TTC7B: variants seen among roughly 807,000 people sequenced by gnomAD.
The protein encoded by TTC7B is tetratricopeptide repeat domain 7B.
Under a neutral mutation model 106.8 loss-of-function variants are expected in TTC7B, and 28 were observed. That is an observed-to-expected ratio of 0.26 (90% confidence interval 0.19 to 0.36). The LOEUF (loss-of-function observed/expected upper bound fraction) is 0.36, where lower values mean the gene tolerates loss of function less well. TTC7B is among the 10% of genes least tolerant of loss of function. TTC7B has a pLI of 1.00. For synonymous variants in TTC7B, 405 were observed against 430.6 expected (o/e 0.94, Z 0.74); for missense variants, 862 against 1,076.4 (o/e 0.80, Z 2.79).
chr14:90,656,650 G>A (rs72691758), intron 11 of TTC7B, among the ~76,000 whole-genome samples: 24,709 of 151,920 alleles, frequency 0.16, 2,028 homozygotes, highest in South Asian at 0.17. Flanking sequence ...AAAATTAGCC[G>A]GGTGCAGTGG....
intron 15 of TTC7B, among the ~76,000 whole-genome samples, chr14:90,633,029 T>G (rs1464871997): frequency 6.6e-6 from 1 of 152,224 alleles, no homozygotes; most frequent in Admixed American, 6.5e-5. Context: ...AAAATCTGTG[T>G]TGACATGTAT....
chr14:90,552,599 G>A (rs533801311), intron 19 of TTC7B, among the ~76,000 whole-genome samples: 48 of 152,298 alleles, frequency 3.2e-4, no homozygotes, highest in African/African-American at 9.1e-4. Context: ...CACAAAGGCC[G>A]CTGACGTGCT....
intron 18 of TTC7B, among the ~76,000 whole-genome samples, chr14:90,582,152 G>A (rs1265077069): frequency 2.6e-5 from 4 of 152,220 alleles, no homozygotes; most frequent in African/African-American, 7.2e-5. Context: ...TCTTCCAAAG[G>A]GATCTTACCC....
intron 9 of TTC7B, among the ~76,000 whole-genome samples, chr14:90,669,059 T>C (rs144091912): frequency 3.1e-4 from 47 of 152,222 alleles, no homozygotes; most frequent in Non-Finnish European, 8.8e-5. Context: ...AAAAAATTCA[T>C]AAATTTATGG....
chr14:90,566,135 T>C (rs1449652791), intron 19 of TTC7B, among the ~76,000 whole-genome samples: 2 of 152,100 alleles, frequency 1.3e-5, no homozygotes, highest in Non-Finnish European at 2.9e-5. Context: ...GCAGATCACC[T>C]GAGCTCAGGA....
intron 3 of TTC7B, among the ~76,000 whole-genome samples, chr14:90,778,285 T>C (rs1203513092): frequency 2.6e-5 from 4 of 152,168 alleles, no homozygotes; most frequent in Admixed American, 2.6e-4. Flanking sequence ...CACAACCTCA[T>C]GGGCGGGGTG....
chr14:90,554,121 T>C (rs564641217), intron 19 of TTC7B, among the ~76,000 whole-genome samples: 1 of 152,330 alleles, frequency 6.6e-6, no homozygotes, highest in East Asian at 1.9e-4. Flanking sequence ...TGCTTCAGCA[T>C]TGGTGCTGAC....
At chr14:90,801,774 C>T (rs1247169284) in intron 1 of TTC7B, among the ~76,000 whole-genome samples, 5 of 152,064 alleles carry the variant, frequency 3.3e-5, no homozygotes, top group African/African-American at 4.8e-5. Flanking sequence ...GCTGCTGGAG[C>T]GCCGGGCACG....
rs1048016015 is a variant in TTC7B, at chr14:90,663,661, C to G, written c.1153-5274G>C. ...GTTTCCTCTACAGGCAGCATCTCTCCCAGTTCCCTCCTAGTTTGGACCTCT... is the reference window on the plus strand; with the variant it reads ...GTTTCCTCTACAGGCAGCATCTCTCGCAGTTCCCTCCTAGTTTGGACCTCT... On this transcript the variant is annotated intron_variant, in intron 9 of 19. Coordinates refer to ENST00000328459, the MANE Select transcript of TTC7B (RefSeq NM_001010854.2). This position sits in a 1 kb window ranked among gnomAD's most constrained non-coding sequence, Gnocchi z 4.5. Among the ~76,000 whole-genome samples the G allele has an allele frequency of 8.5e-5, 13 of 152,186 alleles. No individual in the cohort carries two copies. The highest frequency in any genetic ancestry group is 1.9e-4 in the Non-Finnish European group (13 of 68,030).
chr14:90,590,747 T>C (rs1002424449), intron 18 of TTC7B, among the ~76,000 whole-genome samples: 2 of 152,376 alleles, frequency 1.3e-5, no homozygotes, highest in African/African-American at 4.8e-5. Context: ...TGTGAATATA[T>C]GATACGATTC....
At chr14:90,689,151 G>A (rs1595283930) in intron 7 of TTC7B, among the ~76,000 whole-genome samples, 1 of 152,272 alleles carries the variant, frequency 6.6e-6, no homozygotes, top group African/African-American at 2.4e-5. Context: ...AAGGATCAAG[G>A]AATTGCTGAA....
intron 16 of TTC7B, among the ~76,000 whole-genome samples, chr14:90,611,166 T>C (rs528108281): frequency 6.6e-6 from 1 of 152,250 alleles, no homozygotes; most frequent in Admixed American, 6.5e-5. Flanking sequence ...CGACTGGCAT[T>C]AGCAACCTTA....
chr14:90,765,462 G>A (rs1890644466), intron 3 of TTC7B, among the ~76,000 whole-genome samples: 1 of 152,164 alleles, frequency 6.6e-6, no homozygotes, highest in Admixed American at 6.5e-5. Flanking sequence ...GAATTGTATG[G>A]TATATGAGTT....
intron 19 of TTC7B, among the ~76,000 whole-genome samples, chr14:90,551,408 C>T (rs555511844): frequency 1.7e-3 from 259 of 152,226 alleles, no homozygotes; most frequent in African/African-American, 6.0e-3. Context: ...GAGTGGGTTC[C>T]CTGACCTGAG....
chr14:90,790,751 C>T (rs1345242497), intron 1 of TTC7B, among the ~76,000 whole-genome samples: 1 of 152,100 alleles, frequency 6.6e-6, no homozygotes, highest in African/African-American at 2.4e-5. Flanking sequence ...CTCAGAGCCA[C>T]AATTCCATTT....
Position 90,578,425 on chromosome 14 carries a change from C to A in TTC7B, c.2108-117G>T. 1 of 1,016,958 alleles carries A rather than the reference C, an allele frequency of 9.8e-7. No homozygotes were observed. 63.0% of individuals were successfully genotyped at this position (1,016,958 alleles called of 1,614,324 possible). A position where few individuals can be genotyped will look rare whatever the true frequency, so the allele number is the denominator to read the frequency against. On this transcript the variant is annotated intron_variant, in intron 18 of 19. Transcript: ENST00000328459. This position sits in a 1 kb window ranked among gnomAD's most constrained non-coding sequence, Gnocchi z 4.7. ...GGAGTCTGGCGGGGCGCAGAGCCAG[C>A]TGATCCCTGCTCCAAGTGGAAACAG...
rs540110187 is a variant in TTC7B, at chr14:90,545,760, T to C, written c.2311-4171A>G. On this transcript the variant is annotated intron_variant, in intron 19 of 19. Transcript: ENST00000328459. ...GGCTGCAGGGTATGGGACAGGGGCA[T>C]GTCTAACTGCCCTCAAAAGTCCTGC... 3.9e-5 allele frequency among the ~76,000 whole-genome samples: 6 copies of C among 152,276 alleles called. No homozygotes were observed. In the South Asian group the frequency reaches 1.2e-3, roughly 32 times the overall value.
chr14:90,771,808 G>A (rs1434600840), intron 3 of TTC7B, among the ~76,000 whole-genome samples: 2 of 150,596 alleles, frequency 1.3e-5, no homozygotes, highest in South Asian at 2.1e-4. Context: ...GTGTGTGTGT[G>A]TAACAGTGGT....
Position 90,608,602 on chromosome 14 carries a change from G to T in TTC7B, c.1966+2140C>A, listed in dbSNP as rs971439263. ...GGCTGCATCAGTACCACTAAGCAGA[G>T]GGGGAGGAGGAAGACCCGGGGGCCA... On this transcript the variant is annotated intron_variant, in intron 17 of 19. Coordinates refer to ENST00000328459, the MANE Select transcript of TTC7B (RefSeq NM_001010854.2). This position sits in a 1 kb window ranked among gnomAD's most constrained non-coding sequence, Gnocchi z 5.1. Among the ~76,000 whole-genome samples the T allele has an allele frequency of 6.6e-6, 1 of 152,238 alleles. No homozygotes were observed. The highest frequency in any genetic ancestry group is 1.5e-5 in the Non-Finnish European group (1 of 68,014).
Sources: allele counts gnomAD v4.1 joint callset (sites outside exome capture counted in the v4.1 genomes callset), GRCh38; gene constraint gnomAD v4.1.1; non-coding constraint Gnocchi (gnomAD v3.1); transcripts MANE v1.5; gene names NCBI Gene and HGNC (gene_info 2026-07-23, HGNC 2026-07-21).